Variants in ANO7 observed in about 807,000 individuals in gnomAD.
ANO7 encodes anoctamin 7, also known as anoctamin-7.
In ANO7, 114 loss-of-function variants were observed where a neutral mutation model predicts 115.8. The ratio of observed to expected loss-of-function variants is 0.98; its 90% confidence interval spans 0.85 to 1.15. The LOEUF (loss-of-function observed/expected upper bound fraction) is 1.15, where lower values mean the gene tolerates loss of function less well. Ranked by LOEUF, ANO7 falls within the 50% of genes most tolerant of loss-of-function variation. The pLI is 0.00. For missense variants in ANO7, 1,302 were observed against 1,201.2 expected (o/e 1.08, Z -1.24); for synonymous variants, 550 against 498.2 (o/e 1.10, Z -1.38).
chr2:241,233,074 G>C, the ANO7 span, among the ~76,000 whole-genome samples: 393 of 152,194 alleles, frequency 2.6e-3, 2 homozygotes, highest in Non-Finnish European at 2.5e-3. The surrounding 1 kb of genome is among the most constrained non-coding windows in gnomAD (Gnocchi z 4.3). Context: ...TGCTGCCAGG[G>C]GGTTTGCTGT....
intron 19 of ANO7, 36 bp downstream of exon 19, chr2:241,216,274 G>C: frequency 6.5e-7 from 1 of 1,527,818 alleles, no homozygotes; most frequent in Non-Finnish European, 8.8e-7. Context: ...AATGGCTGGC[G>C]CCGTGGGCAG....
chr2:241,223,364 G>A (rs755538863), intron 22 of ANO7, 88 bp downstream of exon 22: 9 of 1,419,208 alleles, frequency 6.3e-6, no homozygotes, highest in South Asian at 1.1e-5. Context: ...GTGAGGGGTC[G>A]GTGCCGTCAC....
At chr2:241,199,871 C>T (rs2068429121) in intron 5 of ANO7, among the ~76,000 whole-genome samples, 1 of 152,190 alleles carries the variant, frequency 6.6e-6, no homozygotes, top group Non-Finnish European at 1.5e-5. Flanking sequence ...ACTTGAGGGT[C>T]TCTGGGCTAC....
Position 241,217,770 on chromosome 2 carries a change from T to C in ANO7, c.2057T>C (p.Ile686Thr), listed in dbSNP as rs768459147. ...GCCCTGCTCAACAACTGGGTGGAGA[T>C]CCGCTTGGACGCGCGCAAGTTCGTC... is the stretch of plus-strand genomic sequence containing the variant. ...LFALLNNWVEIRLDARKFVCE... is the reference protein window; with the variant it reads ...LFALLNNWVETRLDARKFVCE... The change falls in exon 20 of 25, where the codon ATC (isoleucine) becomes ACC (threonine). Residue 686 changes from isoleucine to threonine, a missense_variant. By Grantham distance (89) the Ile-to-Thr change is moderately conservative (BLOSUM62 -1). Coordinates refer to ENST00000674324, the MANE Select transcript of ANO7 (RefSeq NM_001370694.2). 6.2e-7 allele frequency: 1 copy of C among 1,609,352 alleles called. No individual in the cohort carries two copies. Among genetic ancestry groups the C allele is most frequent in the Non-Finnish European group, 8.5e-7 (1 of 1,178,528 alleles).
chr2:241,214,911 C>A lies in ANO7; in HGVS notation c.1826+9C>A. 1 of 1,610,780 alleles carries A rather than the reference C, an allele frequency of 6.2e-7. No homozygotes were observed. The highest frequency in any genetic ancestry group is 8.5e-7 in the Non-Finnish European group (1 of 1,179,508). On this transcript the variant is annotated intron_variant, in intron 18 of 24. Coordinates refer to ENST00000674324, the MANE Select transcript of ANO7 (RefSeq NM_001370694.2). ...CAGGAGGTCCTCATCCCGTGAGTCCCCCACTCCTCCCTGGGTGGCATCCAA... is the reference window on the plus strand; with the variant it reads ...CAGGAGGTCCTCATCCCGTGAGTCCACCACTCCTCCCTGGGTGGCATCCAA...
chr2:241,213,889 G>C (rs2068767195), intron 17 of ANO7, among the ~76,000 whole-genome samples: 2 of 152,256 alleles, frequency 1.3e-5, no homozygotes, highest in Non-Finnish European at 1.5e-5. Flanking sequence ...GGGAAGGCTG[G>C]GGATGGAGTG....
At chr2:241,235,249 T>C in the ANO7 span, 1 of 1,614,104 alleles carries the variant, frequency 6.2e-7, no homozygotes, top group Non-Finnish European at 8.5e-7. Context: ...GGGACATGTA[T>C]GTTCACCTAC....
At chr2:241,197,757 T>C (rs982938176) in intron 4 of ANO7, among the ~76,000 whole-genome samples, 12 of 150,782 alleles carry the variant, frequency 8.0e-5, no homozygotes, top group African/African-American at 2.9e-4. Flanking sequence ...TTCAAGTGAT[T>C]CTCCTGCCTC....
intron 22 of ANO7, 176 bp from the exon 23 acceptor site, chr2:241,223,485 GC>G: frequency 9.1e-7 from 1 of 1,101,590 alleles, no homozygotes; most frequent in Non-Finnish European, 1.3e-6. Flanking sequence ...CTCCACAGGA[GC>G]CCCAGGGCCA....
At chr2:241,238,336 C>T in the ANO7 span, 10 of 210,384 alleles carry the variant, frequency 4.8e-5, no homozygotes, top group African/African-American at 1.4e-4. This position sits in a 1 kb window ranked among gnomAD's most constrained non-coding sequence, Gnocchi z 4.9. Flanking sequence ...GCGATCCAAA[C>T]GATGTCATGA....
At chr2:241,213,327 C>T (rs2068758026) in intron 17 of ANO7, among the ~76,000 whole-genome samples, 2 of 152,268 alleles carry the variant, frequency 1.3e-5, no homozygotes, top group South Asian at 4.1e-4. Flanking sequence ...GTCCTCTCCC[C>T]ATCAGCACAG....
chr2:241,219,121 A>G lies in ANO7; in HGVS notation c.2321+740A>G, dbSNP rs560303261. Reference sequence around the variant, plus strand: ...AGGAGAAGTGGTGGCCTCATACCATAATAGAACCTGCAGAGCAGGTAGATG... The same window carrying G: ...AGGAGAAGTGGTGGCCTCATACCATGATAGAACCTGCAGAGCAGGTAGATG... On this transcript the variant is annotated intron_variant, in intron 21 of 24. Coordinates refer to ENST00000674324, the MANE Select transcript of ANO7 (RefSeq NM_001370694.2). Among the ~76,000 whole-genome samples the G allele has an allele frequency of 1.9e-4, 29 of 152,340 alleles. 1 individual carries two copies. In the South Asian group the frequency reaches 6.0e-3, roughly 32 times the overall value.
chr2:241,230,794 C>T, downstream of ANO7: 2 of 1,614,240 alleles, frequency 1.2e-6, no homozygotes, highest in Non-Finnish European at 1.7e-6. This position sits in a 1 kb window ranked among gnomAD's most constrained non-coding sequence, Gnocchi z 5.0. Flanking sequence ...ATGGCTTTGC[C>T]GCGGGCACCA....
intron 17 of ANO7, 154 bp downstream of exon 17, chr2:241,212,780 C>A: frequency 1.3e-6 from 1 of 753,374 alleles, no homozygotes; most frequent in Non-Finnish European, 2.2e-6. Flanking sequence ...CCACTCAGGG[C>A]TCCCAGCCTC....
intron 3 of ANO7, among the ~76,000 whole-genome samples, chr2:241,195,321 C>A (rs141214110): frequency 1.3e-5 from 2 of 152,324 alleles, no homozygotes; most frequent in East Asian, 3.9e-4. Flanking sequence ...CGGAAACTTT[C>A]TTCAGCTTTG....
In ANO7 at chr2:241,199,420, G is replaced by C. The variant is rs1192658251; in HGVS notation, c.414G>C (p.Leu138Phe). The C allele has an allele frequency of 5.0e-6, 8 of 1,613,704 alleles. No homozygotes were observed. Among genetic ancestry groups the C allele is most frequent in the Non-Finnish European group, 6.8e-6 (8 of 1,180,004 alleles). ...AAGACCTGCGCCTGAAGCTGCCCTT[G>C]CAGGTACGTGGGAGGCATGGGGACA... The part of the protein sequence containing the change: ...YAEDLRLKLP[L>F]QELPNQASNW... Residue 138 changes from leucine (L) to phenylalanine (F), a missense_variant, in exon 5 of 25, where the codon TTG becomes TTC. By Grantham distance (22) the Leu-to-Phe change is conservative. Coordinates refer to ENST00000674324, the MANE Select transcript of ANO7 (RefSeq NM_001370694.2).
rs1237621765 is a variant in ANO7, at chr2:241,190,140, G to T, written c.77G>T (p.Gly26Val). 6.4e-7 allele frequency: 1 copy of T among 1,573,748 alleles called. No individual in the cohort carries two copies. The highest frequency in any genetic ancestry group is 2.3e-5 in the East Asian group (1 of 42,742). ...DVSPPEAEKR[G>V]SYGSTAHASE... Reference sequence around the variant, plus strand: ...AGCCCCCCTGAGGCAGAGAAGAGGGGCTCTTACGGGAGCACAGCCCACGCC... The same window carrying T: ...AGCCCCCCTGAGGCAGAGAAGAGGGTCTCTTACGGGAGCACAGCCCACGCC... The change falls in exon 2 of 25, where the codon GGC (glycine) becomes GTC (valine). Residue 26 changes from glycine (G) to valine (V), a missense_variant. By Grantham distance (109) the Gly-to-Val change is moderately radical. Coordinates refer to ENST00000674324, the MANE Select transcript of ANO7 (RefSeq NM_001370694.2).
At position 241,214,828 on chromosome 2, in the gene ANO7, C is replaced by G. The variant is rs200488021; in HGVS notation, c.1752C>G (p.Ile584Met). Residue 584 changes from isoleucine to methionine, a missense_variant, in exon 18 of 25, where the codon ATC (isoleucine) becomes ATG (methionine). Physicochemically the swap from Ile to Met is conservative, Grantham distance 10. Transcript: ENST00000674324. ...AGTGCGCGGCTGGAGGCTGCCTGAT[C>G]GAGCTGGCACAGGAGCTCCTGGTCA... ...NEECAAGGCLIELAQELLVIM... is the reference protein window; with the variant it reads ...NEECAAGGCLMELAQELLVIM... 1.2e-6 allele frequency: 2 copies of G among 1,612,344 alleles called. No individual in the cohort carries two copies. The highest frequency in any genetic ancestry group is 1.7e-5 in the Admixed American group (1 of 59,990).
At chr2:241,222,578 T>C (rs1302727351) in intron 21 of ANO7, among the ~76,000 whole-genome samples, 1 of 152,152 alleles carries the variant, frequency 6.6e-6, no homozygotes, top group African/African-American at 2.4e-5. Context: ...TAACTTGCAA[T>C]ATTTGGTTTT....
Sources: gnomAD v4.1 joint callset for allele counts (sites outside exome capture counted in the v4.1 genomes callset) on GRCh38, gnomAD v4.1.1 for gene constraint, Gnocchi (gnomAD v3.1) non-coding constraint, MANE v1.5 for transcripts, NCBI Gene and HGNC (gene_info 2026-07-23, HGNC 2026-07-21) for gene names.